Variants in NRXN1 observed in about 807,000 individuals in gnomAD.
The protein encoded by NRXN1 is neurexin-1.
A neutral mutation model predicts 150.9 loss-of-function variants in NRXN1; 39 were observed. That is an observed-to-expected ratio of 0.26 (90% CI 0.20 to 0.34). NRXN1 has a LOEUF of 0.34. NRXN1 is among the 10% of genes least tolerant of loss of function. The probability of loss-of-function intolerance (pLI) is 1.00; values close to 1 mark genes in which losing one functional copy is unlikely to be tolerated. For missense variants in NRXN1, 1,815 were observed against 1,949.9 expected, an observed-to-expected ratio of 0.93 and a Z score of 1.30; for synonymous variants, 924 against 757.0, an observed-to-expected ratio of 1.22 and a Z score of -3.62.
intron 17 of NRXN1, among the ~76,000 whole-genome samples, chr2:50,265,750 T>C (rs2068763795): frequency 1.3e-5 from 2 of 152,210 alleles, no homozygotes; most frequent in Middle Eastern, 3.4e-3. Flanking sequence ...CTTCCGAGCA[T>C]ATGTCCTCCT....
At chr2:50,772,497 C>T (rs896855397) in intron 5 of NRXN1, among the ~76,000 whole-genome samples, 1 of 151,130 alleles carries the variant, frequency 6.6e-6, no homozygotes, top group Non-Finnish European at 1.5e-5. Context: ...TCAAAATGAG[C>T]TTGGTTTTAC....
intron 21 of NRXN1, among the ~76,000 whole-genome samples, chr2:50,002,791 T>G (rs1382700789): frequency 6.6e-6 from 1 of 152,108 alleles, no homozygotes; most frequent in African/African-American, 2.4e-5. Flanking sequence ...TGACTAAAGA[T>G]GATAAAGATG....
In NRXN1 at chr2:49,919,514, A is replaced by G. The variant is rs191991057; in HGVS notation, c.*2430T>C. The G allele has an allele frequency of 2.8e-4, 42 of 151,970 alleles. 1 individual carries two copies. The highest frequency in any genetic ancestry group is 1.4e-3 in the Admixed American group (21 of 15,270). The allele number at this position is 151,970 out of a possible 1,614,324, so 9.4% of individuals were successfully genotyped here. A position where few individuals can be genotyped will look rare whatever the true frequency, so the allele number is the denominator to read the frequency against. ...CTATTATATTTTAGAATCTTTCCAG[A>G]TGGAAACTGGTTCAAGCTTAATAGA... is the stretch of plus-strand genomic sequence containing the variant. On this transcript the variant is annotated 3_prime_UTR_variant, in exon 23 of 23. Transcript: ENST00000401669.
At chr2:50,205,715 A>C (rs2062521014) in intron 18 of NRXN1, among the ~76,000 whole-genome samples, 1 of 152,136 alleles carries the variant, frequency 6.6e-6, no homozygotes, top group Admixed American at 6.6e-5. Context: ...ATATCCATGA[A>C]TTGATGAATG....
intron 8 of NRXN1, among the ~76,000 whole-genome samples, chr2:50,570,384 C>T (rs1243057417): frequency 5.9e-5 from 9 of 152,110 alleles, no homozygotes; most frequent in Non-Finnish European, 8.8e-5. Flanking sequence ...TTAATCATAC[C>T]TTATTAATTG....
At chr2:50,570,354 T>C (rs1296794427) in intron 8 of NRXN1, among the ~76,000 whole-genome samples, 3 of 152,184 alleles carry the variant, frequency 2.0e-5, no homozygotes, top group Non-Finnish European at 2.9e-5. Context: ...TCCATAGCAC[T>C]GGTACACAGG....
intron 17 of NRXN1, among the ~76,000 whole-genome samples, chr2:50,325,640 T>A (rs1295482802): frequency 6.6e-6 from 1 of 152,232 alleles, no homozygotes; most frequent in Non-Finnish European, 1.5e-5. Context: ...TTAATAGCAA[T>A]GTACCTATCT....
intron 2 of NRXN1, among the ~76,000 whole-genome samples, chr2:50,988,189 G>A (rs1429137736): frequency 6.6e-6 from 1 of 151,866 alleles, no homozygotes; most frequent in Non-Finnish European, 1.5e-5. Context: ...GAGTCTTGTC[G>A]GCGCTCCTTA....
At chr2:50,663,837 C>A (rs906923741) in intron 5 of NRXN1, among the ~76,000 whole-genome samples, 10 of 151,376 alleles carry the variant, frequency 6.6e-5, no homozygotes, top group African/African-American at 2.4e-4. Context: ...CAATTTTGAG[C>A]CTAAAGATTT....
chr2:50,648,862 C>T (rs148634156), intron 5 of NRXN1, among the ~76,000 whole-genome samples: 2 of 152,056 alleles, frequency 1.3e-5, no homozygotes, highest in African/African-American at 4.8e-5. Flanking sequence ...ACTTTTGGCC[C>T]TTCTATTTGT....
intron 21 of NRXN1, among the ~76,000 whole-genome samples, chr2:49,974,820 C>T (rs767386537): frequency 8.7e-5 from 13 of 149,466 alleles, no homozygotes; most frequent in Admixed American, 2.0e-4. Context: ...AATAAATATG[C>T]CATTTTATCA....
intron 5 of NRXN1, among the ~76,000 whole-genome samples, chr2:50,790,912 A>C (rs1325930603): frequency 6.6e-6 from 1 of 152,062 alleles, no homozygotes; most frequent in African/African-American, 2.4e-5. Context: ...TTTTGGCATC[A>C]AGTGGGTGCT....
At chr2:50,750,983 A>T (rs1352515244) in intron 5 of NRXN1, among the ~76,000 whole-genome samples, 1 of 152,016 alleles carries the variant, frequency 6.6e-6, no homozygotes. Flanking sequence ...AATAAGAACA[A>T]ATTTTGAAAA....
intron 5 of NRXN1, among the ~76,000 whole-genome samples, chr2:50,650,888 A>T (rs1282381048): frequency 1.3e-5 from 2 of 152,080 alleles, no homozygotes; most frequent in African/African-American, 2.4e-5. Flanking sequence ...GAATATAAAA[A>T]AGTATAAAAA....
chr2:50,564,368 T>A (rs1481293293), intron 8 of NRXN1, among the ~76,000 whole-genome samples: 1 of 152,190 alleles, frequency 6.6e-6, no homozygotes, highest in Non-Finnish European at 1.5e-5. Flanking sequence ...AGTAAGTGAC[T>A]ACTATTGAAA....
intron 18 of NRXN1, among the ~76,000 whole-genome samples, chr2:50,218,778 T>G (rs1007316374): frequency 2.0e-5 from 3 of 151,976 alleles, no homozygotes; most frequent in Non-Finnish European, 4.4e-5. Flanking sequence ...TCCTGAAACT[T>G]ATCTGAGATA....
At chr2:50,190,585 C>G (rs991272906) in intron 18 of NRXN1, among the ~76,000 whole-genome samples, 3 of 151,254 alleles carry the variant, frequency 2.0e-5, no homozygotes, top group African/African-American at 7.3e-5. Flanking sequence ...CTCCAAGCCC[C>G]ATTATCACAC....
intron 21 of NRXN1, among the ~76,000 whole-genome samples, chr2:49,968,953 A>G (rs1431968040): frequency 6.6e-6 from 1 of 152,094 alleles, no homozygotes; most frequent in Non-Finnish European, 1.5e-5. Flanking sequence ...AGATACAATC[A>G]TGCAGTACAT....
At chr2:50,790,479 G>C (rs1271481364) in intron 5 of NRXN1, among the ~76,000 whole-genome samples, 1 of 152,128 alleles carries the variant, frequency 6.6e-6, no homozygotes, top group East Asian at 1.9e-4. Flanking sequence ...AAAGCAGCCA[G>C]GTGTGGTGGC....
Sources: gnomAD v4.1 joint callset for allele counts (sites outside exome capture counted in the v4.1 genomes callset) on GRCh38, gnomAD v4.1.1 for gene constraint, MANE v1.5 for transcripts, NCBI Gene and HGNC (gene_info 2026-07-23, HGNC 2026-07-21) for gene names.